Variants in ESR1 observed in about 807,000 individuals in gnomAD.
ESR1 encodes the protein estrogen receptor.
ESR1 carries 12 observed loss-of-function variants against 52.7 expected under a neutral mutation model. That is an observed-to-expected ratio of 0.23 (90% CI 0.15 to 0.37). The LOEUF is 0.37. ESR1 is among the 10% of genes least tolerant of loss of function. The pLI is 1.00. For synonymous variants in ESR1, 305 were observed against 316.8 expected, an observed-to-expected ratio of 0.96 and a Z score of 0.39; for missense variants, 584 against 779.7, an observed-to-expected ratio of 0.75 and a Z score of 2.99.
intron 2 of ESR1, among the ~76,000 whole-genome samples, chr6:151,735,029 T>C (rs1039167278): frequency 6.6e-6 from 1 of 152,206 alleles, no homozygotes; most frequent in East Asian, 1.9e-4. Flanking sequence ...TTTATTAAAA[T>C]CAAACATTAA....
At chr6:152,011,159 T>G (rs1584796767) in intron 4 of ESR1, among the ~76,000 whole-genome samples, 2 of 152,260 alleles carry the variant, frequency 1.3e-5, no homozygotes, top group African/African-American at 4.8e-5. Flanking sequence ...TGAGTCTTTC[T>G]TTTACATATT....
intron 5 of ESR1, among the ~76,000 whole-genome samples, chr6:152,026,338 T>G (rs537538898): frequency 1.3e-5 from 2 of 152,178 alleles, no homozygotes; most frequent in South Asian, 4.1e-4. Flanking sequence ...AGCTATTGAT[T>G]TATTTAATAT....
chr6:151,793,526 A>C (rs986812365), intron 2 of ESR1, among the ~76,000 whole-genome samples: 3 of 152,254 alleles, frequency 2.0e-5, no homozygotes, highest in Admixed American at 6.5e-5. Context: ...TGTACTGTAC[A>C]TAATTGTATT....
intron 6 of ESR1, among the ~76,000 whole-genome samples, chr6:152,088,907 T>C (rs1279446956): frequency 6.6e-6 from 1 of 152,234 alleles, no homozygotes; most frequent in African/African-American, 2.4e-5. Flanking sequence ...TGAGTCTGGC[T>C]TTATTATAAG....
rs2128528540 is a variant in ESR1, at chr6:151,944,392, T to C, written c.980T>C (p.Leu327Pro). The C allele has an allele frequency of 6.2e-7, 1 of 1,614,000 alleles. No homozygotes were observed. The highest frequency in any genetic ancestry group is 1.1e-5 in the South Asian group (1 of 91,086). ...TTGTTGGATGCTGAGCCCCCGATAC[T>C]CTATTCCGAGTATGATCCTACCAGA... ...SALLDAEPPI[L>P]YSEYDPTRPF... The change falls in exon 4 of 8, where the codon CTC (leucine) becomes CCC (proline). Residue 327 changes from leucine to proline, a missense_variant. Around this residue, in one of 6 missense-constraint regions of ESR1, gnomAD observed 141 missense variants for 289.3 expected, o/e 0.49. Coordinates refer to ENST00000206249, the MANE Select transcript of ESR1 (RefSeq NM_000125.4).
chr6:151,868,541 T>TTA (rs574728906), intron 2 of ESR1, among the ~76,000 whole-genome samples: 2 of 151,128 alleles, frequency 1.3e-5, no homozygotes, highest in South Asian at 4.2e-4. Flanking sequence ...TAGCTCCCAC[T>TTA]TATAAGTGAG....
At chr6:151,836,073 C>T (rs1249878984) in intron 1 of ESR1, among the ~76,000 whole-genome samples, 1 of 151,914 alleles carries the variant, frequency 6.6e-6, no homozygotes, top group South Asian at 2.1e-4. Flanking sequence ...TCTAGTAATT[C>T]AAATGTGGAG....
chr6:152,054,010 G>T lies in ESR1; in HGVS notation c.1236-6981G>T, dbSNP rs979176956. The stretch of plus-strand genomic sequence containing the variant: ...TACATATGAACACAGTGAAATACCA[G>T]GCACTCATTTAAAAGATGAGGTATA... On this transcript the variant is annotated intron_variant, in intron 5 of 7. Transcript: ENST00000206249. Among the ~76,000 whole-genome samples, 13 of 151,902 alleles carry T rather than the reference G, an allele frequency of 8.6e-5. 1 individual carries two copies. Among genetic ancestry groups the T allele is most frequent in the African/African-American group, 3.1e-4 (13 of 41,324 alleles).
chr6:151,674,838 C>T (rs1778198469), intron 1 of ESR1, among the ~76,000 whole-genome samples: 1 of 152,200 alleles, frequency 6.6e-6, no homozygotes, highest in African/African-American at 2.4e-5. Context: ...TCACCTGCCC[C>T]ACTGTTATAC....
At position 151,937,008 on chromosome 6, in the gene ESR1, G is replaced by A. The variant is rs111392145; in HGVS notation, c.761-7165G>A. ...AAGAGGAGGCATAGAAAAAGAACAA[G>A]GTGGTGTTGGGAAGTAGTATAAAAA... On this transcript the variant is annotated intron_variant, in intron 3 of 7. Coordinates refer to ENST00000206249, the MANE Select transcript of ESR1 (RefSeq NM_000125.4). Among the ~76,000 whole-genome samples the A allele has an allele frequency of 4.2e-4, 64 of 152,272 alleles. 2 individuals carry two copies. Among genetic ancestry groups the A allele is most frequent in the African/African-American group, 1.5e-3 (62 of 41,556 alleles).
At chr6:151,952,517 G>A (rs916919683) in intron 4 of ESR1, among the ~76,000 whole-genome samples, 2 of 151,972 alleles carry the variant, frequency 1.3e-5, no homozygotes, top group East Asian at 1.9e-4. Context: ...CTAATGAGAC[G>A]CCTGACTTCC....
At chr6:151,964,969 C>A (rs2038112807) in intron 4 of ESR1, among the ~76,000 whole-genome samples, 1 of 152,144 alleles carries the variant, frequency 6.6e-6, no homozygotes, top group East Asian at 1.9e-4. Flanking sequence ...GCGATATATA[C>A]AGGCTTGTTG....
chr6:151,866,435 G>A (rs1221198502), intron 2 of ESR1, among the ~76,000 whole-genome samples: 1 of 152,072 alleles, frequency 6.6e-6, no homozygotes, highest in Non-Finnish European at 1.5e-5. Flanking sequence ...CCATCAACCT[G>A]TCATCTAAAT....
At chr6:151,881,955 C>T (rs1356732738) in intron 3 of ESR1, among the ~76,000 whole-genome samples, 1 of 151,776 alleles carries the variant, frequency 6.6e-6, no homozygotes, top group Non-Finnish European at 1.5e-5. Context: ...TTTAGTGTTT[C>T]AGAAGGATAC....
intron 2 of ESR1, among the ~76,000 whole-genome samples, chr6:151,734,781 C>T (rs920691237): frequency 2.1e-4 from 32 of 152,008 alleles, no homozygotes; most frequent in African/African-American, 7.5e-4. Flanking sequence ...AACCACCATG[C>T]CAGGCTAATT....
At chr6:151,659,626 A>G (rs1291140932) in intron 1 of ESR1, among the ~76,000 whole-genome samples, 1 of 152,206 alleles carries the variant, frequency 6.6e-6, no homozygotes, top group African/African-American at 2.4e-5. Context: ...CACTGTGGGT[A>G]CCGTCTGGGA....
At position 152,098,385 on chromosome 6, in the gene ESR1, AT is replaced by A. The variant is rs1345289380; in HGVS notation, c.1554-344del. ...AGCTTTGGCGATCCTATTTGAATGC[AT>A]TTAGGTCCTATTGGAGGGGAATAGG... On this transcript the variant is annotated intron_variant, in intron 7 of 7. Coordinates refer to ENST00000206249, the MANE Select transcript of ESR1 (RefSeq NM_000125.4). This position sits in a 1 kb window ranked among gnomAD's most constrained non-coding sequence, Gnocchi z 5.1. Among the ~76,000 whole-genome samples, 1 of 152,074 alleles carries A rather than the reference AT, an allele frequency of 6.6e-6. No individual in the cohort carries two copies. Among genetic ancestry groups the A allele is most frequent in the African/African-American group, 2.4e-5 (1 of 41,426 alleles).
rs1195904544 is a variant in ESR1, at chr6:152,094,714, T to C, written c.1553+146T>C. The C allele has an allele frequency of 1.7e-5, 13 of 777,238 alleles. No individual in the cohort carries two copies. The Admixed American group carries it at 2.3e-4, about 14-fold the overall frequency. 48.1% of individuals were successfully genotyped at this position (777,238 alleles called of 1,614,324 possible). On this transcript the variant is annotated intron_variant, in intron 7 of 7. Coordinates refer to ENST00000206249, the MANE Select transcript of ESR1 (RefSeq NM_000125.4). The surrounding 1 kb of genome is among the most constrained non-coding windows in gnomAD (Gnocchi z 4.6). ...TGGCATAGAATAAGCATAAATGCTA[T>C]AGGAGGACAGAAGAGAGAGGTTTTA...
chr6:151,751,265 C>T (rs1299889562), intron 2 of ESR1, among the ~76,000 whole-genome samples: 7 of 152,090 alleles, frequency 4.6e-5, no homozygotes, highest in Admixed American at 2.6e-4. Context: ...AACACATGCT[C>T]ATTTGTATAA....
Sources: allele counts gnomAD v4.1 joint callset (sites outside exome capture counted in the v4.1 genomes callset), GRCh38; gene constraint gnomAD v4.1.1; regional missense constraint gnomAD v4.1.1; non-coding constraint Gnocchi (gnomAD v3.1); transcripts MANE v1.5; gene names NCBI Gene and HGNC (gene_info 2026-07-23, HGNC 2026-07-21).